The following TAFA1 variants were observed in gnomAD, a reference collection of about 807,000 sequenced individuals.
TAFA1 encodes the protein TAFA chemokine like family member 1, also known as chemokine-like protein TAFA-1.
A neutral mutation model predicts 18.5 loss-of-function variants in TAFA1; 4 were observed. That is an observed-to-expected ratio of 0.22 (90% CI 0.11 to 0.49). The LOEUF (loss-of-function observed/expected upper bound fraction) is 0.49. Ranked by LOEUF, TAFA1 falls within the 20% of genes least tolerant of loss-of-function variation. TAFA1 has a pLI of 0.98. For missense variants in TAFA1, 147 were observed against 169.0 expected (o/e 0.87, Z 0.72); for synonymous variants, 56 against 55.2 (o/e 1.01, Z -0.06).
rs1433401235 is a variant in TAFA1, at chr3:68,251,225, C to T, written c.119-166055C>T. Among the ~76,000 whole-genome samples the T allele has an allele frequency of 2.0e-5, 3 of 152,286 alleles. No individual in the cohort carries two copies. In the East Asian group the frequency reaches 5.8e-4, roughly 29 times the overall value. ...GTGACAATGGATACAGACTGAGCTG[C>T]CCAGAAGCCTGTTCATAGTCTCAGA... On this transcript the variant is annotated intron_variant, in intron 2 of 4. Coordinates refer to ENST00000478136, the MANE Select transcript of TAFA1 (RefSeq NM_213609.4).
chr3:68,265,186 T>C (rs1454232738), intron 2 of TAFA1, among the ~76,000 whole-genome samples: 1 of 152,186 alleles, frequency 6.6e-6, no homozygotes, highest in Admixed American at 6.5e-5. Flanking sequence ...TCCAAAACCT[T>C]TTCTGAGGCT....
chr3:68,460,174 T>C (rs991296956), intron 3 of TAFA1, among the ~76,000 whole-genome samples: 22 of 152,262 alleles, frequency 1.4e-4, no homozygotes, highest in African/African-American at 5.3e-4. Context: ...AAATTGGCTA[T>C]AGGTGGCATT....
intron 2 of TAFA1, among the ~76,000 whole-genome samples, chr3:68,339,514 T>C (rs1334939228): frequency 7.2e-5 from 11 of 152,212 alleles, no homozygotes; most frequent in Admixed American, 7.2e-4. Context: ...ATATACTACA[T>C]GAGAAACAGA....
chr3:68,021,641 T>C (rs1343082463), intron 2 of TAFA1, among the ~76,000 whole-genome samples: 2 of 152,150 alleles, frequency 1.3e-5, no homozygotes, highest in African/African-American at 4.8e-5. Context: ...CATCTATGTG[T>C]ATTAAGAATT....
intron 4 of TAFA1, 81 bp downstream of exon 4, chr3:68,538,961 GA>G: frequency 6.9e-7 from 1 of 1,453,554 alleles, no homozygotes; most frequent in South Asian, 1.3e-5. Flanking sequence ...AGCATCCACA[GA>G]AGCTTTGCAC....
intron 2 of TAFA1, among the ~76,000 whole-genome samples, chr3:68,117,619 T>C (rs1039263520): frequency 1.3e-5 from 2 of 152,194 alleles, no homozygotes; most frequent in Non-Finnish European, 2.9e-5. Flanking sequence ...CAGTCTCTTC[T>C]TTAGTAACCA....
intron 2 of TAFA1, among the ~76,000 whole-genome samples, chr3:68,322,785 A>C (rs2068715240): frequency 6.6e-6 from 1 of 152,160 alleles, no homozygotes. Flanking sequence ...TCTACTAAAA[A>C]TACAAAAATT....
intron 3 of TAFA1, among the ~76,000 whole-genome samples, chr3:68,488,904 A>C (rs1262135266): frequency 2.0e-5 from 3 of 152,202 alleles, no homozygotes; most frequent in Admixed American, 2.0e-4. Context: ...TTAAGTGAAC[A>C]TGTGGCTCTG....
In TAFA1 at chr3:68,445,689, GTTTAT is replaced by G. The variant is rs556362060; in HGVS notation, c.259+28272_259+28276del. On this transcript the variant is annotated intron_variant, in intron 3 of 4. Transcript: ENST00000478136. ...AGCATGCATCAGAATCACCTAGAGG[GTTTAT>G]TTAAACAGATGATTGGGCCTCATCT... Among the ~76,000 whole-genome samples the G allele has an allele frequency of 5.6e-3, 858 of 152,158 alleles. 4 individuals carry two copies. Among genetic ancestry groups the G allele is most frequent in the Non-Finnish European group, 9.7e-3 (661 of 68,010 alleles).
chr3:68,184,608 A>G (rs1179524905), intron 2 of TAFA1, among the ~76,000 whole-genome samples: 1 of 152,112 alleles, frequency 6.6e-6, no homozygotes, highest in African/African-American at 2.4e-5. Flanking sequence ...AGGACTATTG[A>G]TTAGCTCCAA....
intron 2 of TAFA1, among the ~76,000 whole-genome samples, chr3:68,114,151 C>A (rs988980536): frequency 1.3e-5 from 2 of 151,992 alleles, no homozygotes; most frequent in African/African-American, 4.8e-5. Flanking sequence ...GCCCTTAGAT[C>A]TCTTGGATCC....
At chr3:68,281,555 C>G (rs1249694853) in intron 2 of TAFA1, among the ~76,000 whole-genome samples, 1 of 150,842 alleles carries the variant, frequency 6.6e-6, no homozygotes. Context: ...CTGCAACCTC[C>G]ACTTCCCAGG....
chr3:68,486,794 A>T (rs1305664918), intron 3 of TAFA1, among the ~76,000 whole-genome samples: 1 of 152,208 alleles, frequency 6.6e-6, no homozygotes. Context: ...GGGCACATAC[A>T]CAACTGAGCT....
At chr3:68,127,003 T>C (rs2065471971) in intron 2 of TAFA1, among the ~76,000 whole-genome samples, 1 of 152,194 alleles carries the variant, frequency 6.6e-6, no homozygotes, top group East Asian at 1.9e-4. Context: ...CAGATACTGA[T>C]TGAGAAGAAT....
rs868223832 is a variant in TAFA1 at position 68,078,624 on chromosome 3, T to C, written c.118+71880T>C. On this transcript the variant is annotated intron_variant, in intron 2 of 4. Transcript: ENST00000478136. ...ATGCTGGATTACATTTATTGATTTG[T>C]GTATATTGAACCAGCCTTGCATCCC... Among the ~76,000 whole-genome samples, 240 of 151,998 alleles carry C rather than the reference T, an allele frequency of 1.6e-3. 2 individuals are homozygous for C. Among genetic ancestry groups the C allele is most frequent in the African/African-American group, 5.1e-3 (210 of 41,456 alleles).
chr3:68,259,375 A>G (rs1284929867), intron 2 of TAFA1, among the ~76,000 whole-genome samples: 1 of 152,164 alleles, frequency 6.6e-6, no homozygotes, highest in African/African-American at 2.4e-5. Context: ...ATTGATAGAA[A>G]AAGTGAATTT....
chr3:68,065,312 A>C (rs1018593599), intron 2 of TAFA1, among the ~76,000 whole-genome samples: 2 of 152,148 alleles, frequency 1.3e-5, no homozygotes, highest in African/African-American at 4.8e-5. Flanking sequence ...ACTGCAGAAT[A>C]CATTTTTATC....
intron 2 of TAFA1, among the ~76,000 whole-genome samples, chr3:68,209,770 A>C (rs2066573086): frequency 6.6e-6 from 1 of 151,988 alleles, no homozygotes; most frequent in African/African-American, 2.4e-5. Context: ...AAGTTAGGGA[A>C]CTTATTTTTT....
chr3:68,321,818 C>T (rs1258589263), intron 2 of TAFA1, among the ~76,000 whole-genome samples: 2 of 152,218 alleles, frequency 1.3e-5, no homozygotes, highest in African/African-American at 2.4e-5. Flanking sequence ...GGACAATAGT[C>T]TGCCATTTTA....
Sources: gnomAD v4.1 joint callset for allele counts (sites outside exome capture counted in the v4.1 genomes callset) on GRCh38, gnomAD v4.1.1 for gene constraint, MANE v1.5 for transcripts, NCBI Gene and HGNC (gene_info 2026-07-23, HGNC 2026-07-21) for gene names.